Variants in SLC5A11 observed in about 807,000 individuals in gnomAD.
SLC5A11 encodes solute carrier family 5 member 11.
Under a neutral mutation model 69.8 loss-of-function variants are expected in SLC5A11, and 48 were observed. The ratio of observed to expected loss-of-function variants is 0.69; its 90% CI spans 0.55 to 0.87. SLC5A11 has a LOEUF of 0.87. Among genes scored for constraint, SLC5A11 ranks in the 40% least tolerant of loss-of-function variants. The pLI is 0.00. For synonymous variants in SLC5A11, 319 were observed against 342.4 expected (o/e 0.93, Z 0.75); for missense variants, 784 against 866.1 (o/e 0.91, Z 1.19).
chr16:24,906,220 A>C (rs1304435551), intron 10 of SLC5A11, among the ~76,000 whole-genome samples: 6 of 152,020 alleles, frequency 3.9e-5, no homozygotes, highest in African/African-American at 1.5e-4. Context: ...GGGTGCCTGT[A>C]ATCCCAGCTT....
Position 24,908,869 on chromosome 16 carries a change from C to T in SLC5A11, c.1435-12C>T. ...TTGGCGTCTCTAAGATGATCTTGCT[C>T]TGATTTTGCAGGGTGCCTTCTGGGG... On this transcript the variant is annotated splice_polypyrimidine_tract_variant and intron_variant, in intron 13 of 15. Transcript: ENST00000347898. 1.2e-6 allele frequency: 2 copies of T among 1,611,214 alleles called. No homozygotes were observed. The highest frequency in any genetic ancestry group is 1.7e-6 in the Non-Finnish European group (2 of 1,179,872).
chr16:24,850,177 C>T (rs936137862), intron 1 of SLC5A11, among the ~76,000 whole-genome samples: 3 of 152,164 alleles, frequency 2.0e-5, no homozygotes, highest in Admixed American at 1.3e-4. Context: ...CTCAAACTCC[C>T]GGCCTCAAGC....
chr16:24,862,522 C>G (rs1264551466), intron 2 of SLC5A11, 79 bp from the exon 4 acceptor site: 2 of 1,193,342 alleles, frequency 1.7e-6, no homozygotes, highest in South Asian at 2.7e-5. Context: ...GTTTGCAATC[C>G]CTGCCTGGCC....
chr16:24,907,822 G>A (rs2050184178), intron 12 of SLC5A11, 141 bp from the exon 14 acceptor site: 2 of 1,017,132 alleles, frequency 2.0e-6, no homozygotes, highest in Non-Finnish European at 2.9e-6. Context: ...GGAGTTGGAG[G>A]CTGCAGTGAG....
chr16:24,860,318 T>C (rs1306070113), intron 2 of SLC5A11, among the ~76,000 whole-genome samples: 1 of 151,750 alleles, frequency 6.6e-6, no homozygotes, highest in South Asian at 2.1e-4. Context: ...TAGCCAGACG[T>C]GGTGGTGGGT....
At chr16:24,876,132 G>T (rs988472336) in intron 6 of SLC5A11, among the ~76,000 whole-genome samples, 3 of 151,862 alleles carry the variant, frequency 2.0e-5, no homozygotes, top group Non-Finnish European at 1.5e-5. Context: ...GAAGGCGGGG[G>T]TTGCAGTGAG....
chr16:24,909,643 C>CAAA (rs35334841), intron 14 of SLC5A11, among the ~76,000 whole-genome samples: 94 of 48,328 alleles, frequency 1.9e-3, no homozygotes, highest in African/African-American at 2.2e-3. Flanking sequence ...CCCTGTCTCA[C>CAAA]AAAAAAAAAA....
intron 3 of SLC5A11, among the ~76,000 whole-genome samples, chr16:24,863,228 T>C (rs1181723358): frequency 6.6e-6 from 1 of 151,792 alleles, no homozygotes; most frequent in East Asian, 1.9e-4. Flanking sequence ...TTTTCTCCTC[T>C]GGACTCATTC....
intron 8 of SLC5A11, among the ~76,000 whole-genome samples, chr16:24,886,423 G>C (rs185722493): frequency 6.6e-6 from 1 of 151,740 alleles, no homozygotes; most frequent in African/African-American, 2.4e-5. Context: ...AAGATAGAGA[G>C]CAGAGATATA....
chr16:24,907,322 G>A, intron 12 of SLC5A11, 147 bp downstream of exon 13: 1 of 889,470 alleles, frequency 1.1e-6, no homozygotes, highest in Non-Finnish European at 1.7e-6. Flanking sequence ...AGGAGATGCT[G>A]AACGAGCACC....
chr16:24,899,266 C>T (rs2049409181), intron 10 of SLC5A11, among the ~76,000 whole-genome samples: 1 of 152,180 alleles, frequency 6.6e-6, no homozygotes, highest in Non-Finnish European at 1.5e-5. Context: ...CTTGCCTCAA[C>T]TATATTTTTT....
At chr16:24,869,815 C>A in intron 3 of SLC5A11, 86 bp from the exon 5 acceptor site, 1 of 949,616 alleles carries the variant, frequency 1.1e-6, no homozygotes, top group South Asian at 1.4e-5. Flanking sequence ...TCTTCTCTGT[C>A]CCTTTGGAGC....
chr16:24,888,783 CTTTTTTTTTTT>C (rs1169015317), intron 8 of SLC5A11, among the ~76,000 whole-genome samples: 40 of 45,756 alleles, frequency 8.7e-4, no homozygotes, highest in South Asian at 2.0e-3. Context: ...CGTGCCTGTC[CTTTTTTTTTTT>C]TTTTTTTTTT....
chr16:24,908,810 G>A, intron 13 of SLC5A11, 71 bp from the exon 15 acceptor site: 1 of 1,466,754 alleles, frequency 6.8e-7, no homozygotes, highest in South Asian at 1.2e-5. Context: ...AAGTCCTGGA[G>A]ATGGCTTCTT....
intron 10 of SLC5A11, among the ~76,000 whole-genome samples, chr16:24,906,067 C>T (rs2050034930): frequency 1.3e-5 from 2 of 152,104 alleles, no homozygotes; most frequent in African/African-American, 4.8e-5. Flanking sequence ...ATTCATTAAC[C>T]AGGACAGGTG....
intron 1 of SLC5A11, among the ~76,000 whole-genome samples, chr16:24,855,663 C>T (rs954182283): frequency 7.5e-5 from 11 of 146,042 alleles, no homozygotes; most frequent in Non-Finnish European, 1.6e-4. Flanking sequence ...AAAGTGAAAC[C>T]TTGTCTCAAA....
At chr16:24,876,550 G>GAGC (rs1254443931) in intron 6 of SLC5A11, among the ~76,000 whole-genome samples, 1 of 152,180 alleles carries the variant, frequency 6.6e-6, no homozygotes, top group African/African-American at 2.4e-5. Context: ...GAGGAGGGAG[G>GAGC]AGCTTGTCCT....
rs2059345788 is a variant in SLC5A11 at position 24,852,245 on chromosome 16, C to T, written c.-25+5807C>T. Among the ~76,000 whole-genome samples, 3 of 152,134 alleles carry T rather than the reference C, an allele frequency of 2.0e-5. No individual in the cohort carries two copies. The South Asian group carries it at 6.2e-4, about 31-fold the overall frequency. ...CCTAAGGCATGAAATGCGGCAAATA[C>T]AATCACAGCTCACCTTCCCACACCT... On this transcript the variant is annotated intron_variant, in intron 1 of 15. Transcript: ENST00000347898.
chr16:24,908,879 A>G lies in SLC5A11; in HGVS notation c.1435-2A>G. The G allele has an allele frequency of 1.2e-6, 2 of 1,612,358 alleles. No homozygotes were observed. Among genetic ancestry groups the G allele is most frequent in the African/African-American group, 2.7e-5 (2 of 75,010 alleles). On this transcript the variant is annotated splice_acceptor_variant, in intron 13 of 15. Coordinates refer to ENST00000347898, the Ensembl canonical transcript of SLC5A11. LOFTEE classifies it high-confidence loss of function. ...TAAGATGATCTTGCTCTGATTTTGC[A>G]GGGTGCCTTCTGGGGCCTGATCTCG...
Sources: allele counts gnomAD v4.1 joint callset (sites outside exome capture counted in the v4.1 genomes callset), GRCh38; gene constraint gnomAD v4.1.1; transcripts MANE v1.5; gene names NCBI Gene and HGNC (gene_info 2026-07-23, HGNC 2026-07-21).